RASSF3: variants seen among roughly 807,000 people sequenced by gnomAD.
The protein encoded by RASSF3 is ras association domain-containing protein 3.
In RASSF3, 19 loss-of-function variants were observed where a neutral mutation model predicts 19.9. The observed-to-expected ratio is 0.96, with a 90% CI of 0.67 to 1.40. The LOEUF is 1.40. RASSF3 is among the 40% of genes most tolerant of loss of function. The pLI is 0.00. For synonymous variants in RASSF3, 110 were observed against 104.2 expected (o/e 1.06, Z -0.34); for missense variants, 306 against 289.8 (o/e 1.06, Z -0.41).
intron 1 of RASSF3, among the ~76,000 whole-genome samples, chr12:64,658,039 G>A (rs1366447749): frequency 6.6e-6 from 1 of 152,078 alleles, no homozygotes; most frequent in Non-Finnish European, 1.5e-5. Flanking sequence ...GTGACAGAGC[G>A]AGACCCTGTC....
chr12:64,656,908 A>G (rs928810079), intron 1 of RASSF3, among the ~76,000 whole-genome samples: 18 of 152,316 alleles, frequency 1.2e-4, no homozygotes, highest in African/African-American at 3.4e-4. Flanking sequence ...CAAATACTGT[A>G]TGATTACAAT....
chr12:64,548,977 C>T (rs1403360244), intron 2 of RASSF3, among the ~76,000 whole-genome samples: 1 of 152,052 alleles, frequency 6.6e-6, no homozygotes, highest in Non-Finnish European at 1.5e-5. Context: ...CAATTGTCTT[C>T]AAGGCCCTGA....
intron 1 of RASSF3, among the ~76,000 whole-genome samples, chr12:64,673,594 T>C (rs1212458415): frequency 1.3e-5 from 2 of 152,168 alleles, no homozygotes; most frequent in East Asian, 3.8e-4. Flanking sequence ...AGAGGACGGC[T>C]GCAGCAAGAG....
At chr12:64,535,193 A>T (rs1034141629) in intron 1 of RASSF3, among the ~76,000 whole-genome samples, 1 of 152,110 alleles carries the variant, frequency 6.6e-6, no homozygotes, top group Non-Finnish European at 1.5e-5. Flanking sequence ...GGTGGTCCAT[A>T]TAAGAGCATT....
chr12:64,570,718 C>T (rs573756269), intron 2 of RASSF3, among the ~76,000 whole-genome samples: 2 of 152,228 alleles, frequency 1.3e-5, no homozygotes, highest in East Asian at 3.9e-4. Flanking sequence ...CGTATATGAA[C>T]AATACCCAAA....
chr12:64,635,580 C>G (rs992946860), intron 1 of RASSF3, among the ~76,000 whole-genome samples: 2 of 152,226 alleles, frequency 1.3e-5, no homozygotes, highest in Non-Finnish European at 2.9e-5. Flanking sequence ...CTCACACCAA[C>G]TCTGTGATGT....
At chr12:64,642,762 A>C (rs1017887602) in intron 1 of RASSF3, among the ~76,000 whole-genome samples, 3 of 151,746 alleles carry the variant, frequency 2.0e-5, no homozygotes, top group African/African-American at 7.2e-5. Flanking sequence ...TTATTTGTAG[A>C]GTGCAGTGGT....
intron 1 of RASSF3, among the ~76,000 whole-genome samples, chr12:64,635,833 G>A (rs1483452004): frequency 6.6e-6 from 1 of 152,128 alleles, no homozygotes; most frequent in African/African-American, 2.4e-5. Context: ...GACATTAAAA[G>A]GTTATGGTTA....
rs1232781728 is a variant in RASSF3 at position 64,694,848 on chromosome 12, G to A, written c.653G>A (p.Arg218Lys). The A allele has an allele frequency of 1.2e-6, 2 of 1,614,138 alleles. No homozygotes were observed. The highest frequency in any genetic ancestry group is 1.3e-5 in the African/African-American group (1 of 74,958). The part of the protein sequence containing the change: ...EEDEQLQNLK[R>K]RYTAYRQKLE... The stretch of plus-strand genomic sequence containing the variant: ...GATGAACAGCTGCAGAACCTGAAGA[G>A]GCGCTACACAGCCTACAGGCAGAAG... Residue 218 changes from arginine (R) to lysine (K), a missense_variant, in exon 5 of 5, where the codon AGG becomes AAG. Arg to Lys is a conservative substitution (Grantham distance 26). Coordinates refer to ENST00000542104, the MANE Select transcript of RASSF3 (RefSeq NM_178169.4).
chr12:64,603,347 A>G (rs2136147224), intron 2 of RASSF3, among the ~76,000 whole-genome samples: 2 of 152,292 alleles, frequency 1.3e-5, no homozygotes, highest in South Asian at 4.1e-4. Flanking sequence ...TTCTTATCAC[A>G]GTAATGAGGA....
intron 2 of RASSF3, among the ~76,000 whole-genome samples, chr12:64,562,507 C>T (rs1195251755): frequency 6.6e-6 from 1 of 152,194 alleles, no homozygotes; most frequent in East Asian, 1.9e-4. Flanking sequence ...TCCGAAACTG[C>T]TCTTCCATGT....
chr12:64,650,408 C>CTT (rs67304103), intron 1 of RASSF3, among the ~76,000 whole-genome samples: 21,343 of 85,510 alleles, frequency 0.25, 2,600 homozygotes, highest in Non-Finnish European at 0.31. Context: ...TTTTTTTTTC[C>CTT]TTTTTTTTTT....
chr12:64,676,996 G>A (rs780419234), intron 1 of RASSF3, among the ~76,000 whole-genome samples: 28 of 152,054 alleles, frequency 1.8e-4, no homozygotes, highest in Admixed American at 1.0e-3. Flanking sequence ...TTGAACTCCT[G>A]GGCTCGAAGG....
At chr12:64,588,025 A>G (rs1869844593) in intron 2 of RASSF3, among the ~76,000 whole-genome samples, 1 of 152,200 alleles carries the variant, frequency 6.6e-6, no homozygotes, top group African/African-American at 2.4e-5. Flanking sequence ...GTTTCGCTCA[A>G]ATGGTTACTG....
At chr12:64,667,454 A>T (rs1245458457) in intron 1 of RASSF3, among the ~76,000 whole-genome samples, 1 of 152,072 alleles carries the variant, frequency 6.6e-6, no homozygotes, top group African/African-American at 2.4e-5. Flanking sequence ...AGCCTCCCAA[A>T]GTACTGGGAT....
chr12:64,584,532 AAGTC>A (rs1302997918), intron 2 of RASSF3, among the ~76,000 whole-genome samples: 8 of 151,692 alleles, frequency 5.3e-5, no homozygotes, highest in Non-Finnish European at 2.9e-5. Context: ...AAGCTAAAGA[AAGTC>A]AGTGCTCTAT....
At chr12:64,625,762 C>T (rs1231397345) in intron 1 of RASSF3, among the ~76,000 whole-genome samples, 1 of 152,220 alleles carries the variant, frequency 6.6e-6, no homozygotes, top group Non-Finnish European at 1.5e-5. Context: ...GTTCTCTCTC[C>T]ACAGAGTGAC....
chr12:64,673,942 A>G (rs1274728694), intron 1 of RASSF3, among the ~76,000 whole-genome samples: 1 of 152,032 alleles, frequency 6.6e-6, no homozygotes, highest in Non-Finnish European at 1.5e-5. Context: ...CTGTTGGCAC[A>G]CTACCCAGTT....
upstream of RASSF3, among the ~76,000 whole-genome samples, chr12:64,610,239 C>T (rs1276307329): frequency 6.6e-6 from 1 of 152,070 alleles, no homozygotes; most frequent in East Asian, 1.9e-4. Flanking sequence ...GACCCGAGCA[C>T]AGCCCCAGCA....
Sources: allele counts gnomAD v4.1 joint callset (sites outside exome capture counted in the v4.1 genomes callset), GRCh38; gene constraint gnomAD v4.1.1; transcripts MANE v1.5; gene names NCBI Gene and HGNC (gene_info 2026-07-23, HGNC 2026-07-21).